Variants in DEPDC1B observed in about 807,000 individuals in gnomAD.
The protein encoded by DEPDC1B is DEP domain containing 1B.
In DEPDC1B, 51 loss-of-function variants were observed where a neutral mutation model predicts 66.5. The ratio of observed to expected loss-of-function variants is 0.77; its 90% CI spans 0.61 to 0.97. The LOEUF is 0.97. Ranked by LOEUF, DEPDC1B falls within the 50% of genes least tolerant of loss-of-function variation. DEPDC1B has a pLI of 0.00. For synonymous variants in DEPDC1B, 226 were observed against 223.6 expected, an observed-to-expected ratio of 1.01 and a Z score of -0.10; for missense variants, 552 against 637.1, an observed-to-expected ratio of 0.87 and a Z score of 1.44.
At chr5:60,642,564 A>G (rs977265440) in intron 6 of DEPDC1B, among the ~76,000 whole-genome samples, 2 of 152,196 alleles carry the variant, frequency 1.3e-5, no homozygotes, top group African/African-American at 4.8e-5. Context: ...CCTGTGATGA[A>G]GCAATTAGAA....
rs1487152659 is a variant in DEPDC1B at position 60,597,411 on chromosome 5, G to C, written c.*342C>G. 5.1e-6 allele frequency: 1 copy of C among 194,238 alleles called. No individual in the cohort carries two copies. Among genetic ancestry groups the C allele is most frequent in the African/African-American group, 2.4e-5 (1 of 41,806 alleles). 12.0% of individuals were successfully genotyped at this position (194,238 alleles called of 1,614,324 possible). A position where few individuals can be genotyped will look rare whatever the true frequency, so the allele number is the denominator to read the frequency against. ...TCTTAAGGCTATAATAAAGATATCA[G>C]TAGCTAGGATGTATATACACAATTA... On this transcript the variant is annotated 3_prime_UTR_variant, in exon 11 of 11. Coordinates refer to ENST00000265036, the MANE Select transcript of DEPDC1B (RefSeq NM_018369.3).
chr5:60,632,481 G>A (rs1306231446), intron 7 of DEPDC1B, among the ~76,000 whole-genome samples: 3 of 152,224 alleles, frequency 2.0e-5, no homozygotes, highest in Non-Finnish European at 4.4e-5. Flanking sequence ...CCCCCTCTGC[G>A]AAGTCAGGCC....
intron 9 of DEPDC1B, among the ~76,000 whole-genome samples, chr5:60,601,346 C>A (rs1244882191): frequency 6.6e-6 from 1 of 152,092 alleles, no homozygotes; most frequent in Non-Finnish European, 1.5e-5. Flanking sequence ...CACTTTTCAC[C>A]CATGCAAGTG....
intron 5 of DEPDC1B, among the ~76,000 whole-genome samples, chr5:60,644,432 C>T (rs895952812): frequency 2.0e-5 from 3 of 152,148 alleles, no homozygotes; most frequent in Non-Finnish European, 4.4e-5. Flanking sequence ...AAAACTGACT[C>T]TAACTCTTGG....
chr5:60,683,008 A>G (rs977475351), intron 2 of DEPDC1B, among the ~76,000 whole-genome samples: 2 of 152,226 alleles, frequency 1.3e-5, no homozygotes, highest in African/African-American at 2.4e-5. Flanking sequence ...AAAGTGGCCA[A>G]TGTCCCTGAT....
intron 8 of DEPDC1B, 119 bp from the exon 9 acceptor site, chr5:60,603,686 C>G: frequency 1.0e-6 from 1 of 989,654 alleles, no homozygotes; most frequent in Non-Finnish European, 1.4e-6. Context: ...CATATTCTAC[C>G]AAGAGTACCC....
intron 2 of DEPDC1B, among the ~76,000 whole-genome samples, chr5:60,656,656 G>T (rs765916637): frequency 6.6e-6 from 1 of 152,198 alleles, no homozygotes; most frequent in Admixed American, 6.5e-5. Flanking sequence ...CATGGCAGAA[G>T]GGGAAGCAAA....
rs1261944557 is a variant in DEPDC1B, at chr5:60,605,690, C to T, written c.1065G>A (p.Leu355=). The T allele has an allele frequency of 1.2e-6, 2 of 1,609,372 alleles. No homozygotes were observed. The highest frequency in any genetic ancestry group is 2.2e-5 in the East Asian group (1 of 44,716). ...TACCTGATGTTAAAAATCAACCTAC[C>T]AGTGTTCGGGTACCAAAGCCATCAC... ...PLCDGFGTRT[L]MVQTFSRCIL... Residue 355 remains leucine (L), a splice_region_variant and synonymous_variant, in exon 8 of 11, where the codon CTG becomes CTA. Transcript: ENST00000265036.
chr5:60,675,222 G>A (rs1191457398), intron 2 of DEPDC1B, among the ~76,000 whole-genome samples: 6 of 152,006 alleles, frequency 3.9e-5, no homozygotes, highest in Non-Finnish European at 8.8e-5. Context: ...ACACAAATGA[G>A]GATTCCTACA....
intron 2 of DEPDC1B, among the ~76,000 whole-genome samples, chr5:60,671,322 G>A (rs1373091797): frequency 6.6e-6 from 1 of 152,192 alleles, no homozygotes. Flanking sequence ...AAGCGGATCT[G>A]TGAAGCACAA....
chr5:60,597,770 T>C lies in DEPDC1B; in HGVS notation c.1573A>G (p.Arg525Gly), dbSNP rs974694045. Residue 525 changes from arginine (R) to glycine (G), a missense_variant, in exon 11 of 11, where the codon AGA becomes GGA. Arg to Gly is a moderately radical substitution (Grantham distance 125, BLOSUM62 -2). Coordinates refer to ENST00000265036, the MANE Select transcript of DEPDC1B (RefSeq NM_018369.3). ...AAGTATTATTACATTCGAAAACTTC[T>C]AGTTCTTTGAAATGGTTGGAAAGGC... ...KKPFQPFQRT[R>G]SFRM The C allele has an allele frequency of 5.0e-6, 8 of 1,612,746 alleles. No individual in the cohort carries two copies. Among genetic ancestry groups the C allele is most frequent in the South Asian group, 2.2e-5 (2 of 90,854 alleles).
chr5:60,657,882 T>C (rs1261209056), intron 2 of DEPDC1B, among the ~76,000 whole-genome samples: 1 of 152,232 alleles, frequency 6.6e-6, no homozygotes, highest in Non-Finnish European at 1.5e-5. Flanking sequence ...CCCTCAAATA[T>C]GTTTTCCAGA....
At chr5:60,669,861 A>G (rs1753987836) in intron 2 of DEPDC1B, among the ~76,000 whole-genome samples, 1 of 152,184 alleles carries the variant, frequency 6.6e-6, no homozygotes, top group Admixed American at 6.5e-5. Flanking sequence ...TTAGAAAATA[A>G]ATTCCATTTG....
intron 2 of DEPDC1B, 60 bp from the exon 3 acceptor site, chr5:60,647,593 C>T (rs1753350635): frequency 6.5e-7 from 1 of 1,550,130 alleles, no homozygotes; most frequent in Admixed American, 2.1e-5. Flanking sequence ...GATATTTTAA[C>T]AATAGTCTCC....
intron 2 of DEPDC1B, among the ~76,000 whole-genome samples, chr5:60,664,575 C>A (rs778632840): frequency 1.3e-5 from 2 of 152,180 alleles, no homozygotes; most frequent in East Asian, 1.9e-4. Context: ...ATTGCTCAAA[C>A]CTACGCTGCT....
intron 8 of DEPDC1B, 62 bp from the exon 9 acceptor site, chr5:60,603,629 C>G (rs1584019766): frequency 2.0e-6 from 3 of 1,484,450 alleles, no homozygotes; most frequent in East Asian, 4.7e-5. Flanking sequence ...TGAGTGCAAT[C>G]TAATTTGCAA....
At chr5:60,620,257 A>G (rs1450816197) in intron 7 of DEPDC1B, among the ~76,000 whole-genome samples, 1 of 152,228 alleles carries the variant, frequency 6.6e-6, no homozygotes, top group African/African-American at 2.4e-5. Context: ...AAAACACCAA[A>G]AGCAAGGCAA....
Position 60,605,786 on chromosome 5 carries a change from A to G in DEPDC1B, c.969T>C (p.Asn323=). The change falls in exon 8 of 11, where the codon AAT becomes AAC. Residue 323 remains asparagine (N), a synonymous_variant. Coordinates refer to ENST00000265036, the MANE Select transcript of DEPDC1B (RefSeq NM_018369.3). ...TCATCAATAGCTGTAACTTTCTCCT[A>G]TTTTCAGGAGGTAGGAGAAGGCAGC... ...QICCLLLPPE[N]RRKLQLLMRM... is the part of the protein sequence containing the mutation. 2 of 1,613,200 alleles carry G rather than the reference A, an allele frequency of 1.2e-6. No homozygotes were observed. Among genetic ancestry groups the G allele is most frequent in the South Asian group, 1.1e-5 (1 of 90,962 alleles).
intron 2 of DEPDC1B, among the ~76,000 whole-genome samples, chr5:60,664,833 A>G (rs1224291558): frequency 6.6e-6 from 1 of 152,174 alleles, no homozygotes; most frequent in Non-Finnish European, 1.5e-5. Flanking sequence ...AAGTATGCTT[A>G]CCTAGTCCTC....
Sources: gnomAD v4.1 joint callset for allele counts (sites outside exome capture counted in the v4.1 genomes callset) on GRCh38, gnomAD v4.1.1 for gene constraint, MANE v1.5 for transcripts, NCBI Gene and HGNC (gene_info 2026-07-23, HGNC 2026-07-21) for gene names.